ANKRD36: variants seen among roughly 807,000 people sequenced by gnomAD.
The protein encoded by ANKRD36 is ankyrin repeat domain-containing protein 36A.
In ANKRD36, 179 loss-of-function variants were observed where a neutral mutation model predicts 278.1. The ratio of observed to expected loss-of-function variants is 0.64; its 90% CI spans 0.57 to 0.73. ANKRD36 has a LOEUF of 0.73. Ranked by LOEUF, ANKRD36 falls within the 30% of genes least tolerant of loss-of-function variation. The pLI, the probability that ANKRD36 is intolerant of heterozygous loss-of-function variation, is 0.00. For synonymous variants in ANKRD36, 320 were observed against 641.1 expected (o/e 0.50, Z 7.57); for missense variants, 1,159 against 1,956.7 (o/e 0.59, Z 7.69).
At chr2:97,189,757 G>A (rs2058118804) in intron 34 of ANKRD36, among the ~76,000 whole-genome samples, 1 of 81,568 alleles carries the variant, frequency 1.2e-5, no homozygotes, top group African/African-American at 2.8e-5. Context: ...TCCCAAGGAA[G>A]ATGGATTGTC....
intron 62 of ANKRD36, chr2:97,215,748 A>C (rs1423587872): frequency 3.0e-6 from 3 of 1,008,560 alleles, no homozygotes; most frequent in Non-Finnish European, 3.0e-6. Context: ...TCAGCACATA[A>C]CAGCCTCAGG....
chr2:97,235,307 G>C (rs2073382464), intron 68 of ANKRD36, among the ~76,000 whole-genome samples: 1 of 150,904 alleles, frequency 6.6e-6, no homozygotes, highest in African/African-American at 2.5e-5. Flanking sequence ...GCCTTTGTCA[G>C]TCATAAGCTG....
Position 97,204,486 on chromosome 2 carries a change from G to A in ANKRD36, c.3061+223G>A, listed in dbSNP as rs1216677716. On this transcript the variant is annotated intron_variant, in intron 50 of 75. Transcript: ENST00000420699. ...TTCCCCACATTGAAATTGGGAAGAA[G>A]AAATATGGAGAGCAGTTCAAGGCAT... 2.0e-5 allele frequency among the ~76,000 whole-genome samples: 3 copies of A among 151,684 alleles called. No individual in the cohort carries two copies. The East Asian group carries it at 5.9e-4, about 30-fold the overall frequency.
At chr2:97,170,079 A>G (rs1010207295) in intron 22 of ANKRD36, among the ~76,000 whole-genome samples, 1 of 152,014 alleles carries the variant, frequency 6.6e-6, no homozygotes, top group Non-Finnish European at 1.5e-5. Context: ...AAACAGTGAT[A>G]TAGACCAATG....
At chr2:97,229,650 A>G (rs1224362250) in intron 67 of ANKRD36, among the ~76,000 whole-genome samples, 1 of 151,960 alleles carries the variant, frequency 6.6e-6, no homozygotes, top group East Asian at 2.0e-4. Context: ...TAAAGTTAAT[A>G]TTGTTATGTC....
intron 68 of ANKRD36, among the ~76,000 whole-genome samples, chr2:97,235,040 G>A (rs1444500986): frequency 6.7e-6 from 1 of 148,236 alleles, no homozygotes; most frequent in African/African-American, 2.6e-5. Flanking sequence ...TTTAATTGTT[G>A]AATTACAGAT....
chr2:97,205,886 G>T (rs2062711165), intron 50 of ANKRD36, 54 bp from the exon 51 acceptor site: 1 of 1,509,048 alleles, frequency 6.6e-7, no homozygotes, highest in Non-Finnish European at 8.9e-7. Context: ...TGAATGTATG[G>T]ATATCTTTAT....
At chr2:97,147,791 T>C (rs1028222793) in intron 11 of ANKRD36, among the ~76,000 whole-genome samples, 2 of 151,856 alleles carry the variant, frequency 1.3e-5, no homozygotes, top group African/African-American at 4.8e-5. Flanking sequence ...CTTAGTTTGA[T>C]AGAAATGAGG....
chr2:97,226,298 T>C (rs367819289), intron 67 of ANKRD36, among the ~76,000 whole-genome samples: 1 of 152,068 alleles, frequency 6.6e-6, no homozygotes, highest in Non-Finnish European at 1.5e-5. Context: ...TGTTTCCAGA[T>C]TTTTTAATGA....
chr2:97,200,557 T>C (rs1251496117), intron 46 of ANKRD36, 32 bp downstream of exon 46: 38 of 1,541,334 alleles, frequency 2.5e-5, no homozygotes, highest in Middle Eastern at 2.3e-4. Flanking sequence ...AATGTCATGT[T>C]CAGTCCAGAT....
intron 64 of ANKRD36, among the ~76,000 whole-genome samples, chr2:97,217,956 G>A (rs964022362): frequency 2.6e-5 from 4 of 152,042 alleles, no homozygotes; most frequent in Middle Eastern, 3.4e-3. Context: ...TTTGCATACC[G>A]GATCATCTGA....
At chr2:97,189,064 T>G (rs1348249552) in intron 32 of ANKRD36, 23 bp from the exon 33 acceptor site, 1 of 746,470 alleles carries the variant, frequency 1.3e-6, no homozygotes, top group East Asian at 2.4e-5. Context: ...TATGAGTGAT[T>G]ATGTATCCCT....
chr2:97,120,960 C>G (rs2036638049), intron 3 of ANKRD36, among the ~76,000 whole-genome samples: 1 of 151,778 alleles, frequency 6.6e-6, no homozygotes, highest in Non-Finnish European at 1.5e-5. Context: ...AGAGGTTGCC[C>G]CTTTCTATGA....
rs1482337396 is a variant in ANKRD36, at chr2:97,158,615, C to G, written c.1349C>G (p.Thr450Arg). Residue 450 changes from threonine to arginine, a missense_variant, in exon 17 of 76, where the codon ACA becomes AGA. Physicochemically the swap from Thr to Arg is moderately conservative, Grantham distance 71 (BLOSUM62 -1). Coordinates refer to ENST00000420699, the MANE Select transcript of ANKRD36 (RefSeq NM_001354587.1). ...GATGCTGCATGTGGCATTGACAAAACAGAAAATGGAAACATGTTTGAAGAC... is the reference window on the plus strand; with the variant it reads ...GATGCTGCATGTGGCATTGACAAAAGAGAAAATGGAAACATGTTTGAAGAC... The part of the protein sequence containing the change: ...NLDAACGIDK[T>R]ENGNMFEDQN... The G allele has an allele frequency of 6.5e-7, 1 of 1,529,674 alleles. No homozygotes were observed. The highest frequency in any genetic ancestry group is 2.0e-5 in the Admixed American group (1 of 50,270). 94.8% of individuals were successfully genotyped at this position (1,529,674 alleles called of 1,614,324 possible).
chr2:97,182,205 G>A (rs1192747366), intron 26 of ANKRD36, among the ~76,000 whole-genome samples: 1 of 150,712 alleles, frequency 6.6e-6, no homozygotes, highest in Non-Finnish European at 1.5e-5. Flanking sequence ...GAGCTAAGGA[G>A]ACCACTGATG....
At chr2:97,194,505 C>A (rs1478647660) in intron 38 of ANKRD36, among the ~76,000 whole-genome samples, 1 of 151,528 alleles carries the variant, frequency 6.6e-6, no homozygotes, top group African/African-American at 2.4e-5. Flanking sequence ...CATAAAAAAT[C>A]ATACTGTGTT....
At chr2:97,186,473 G>A (rs1392737688) in intron 30 of ANKRD36, among the ~76,000 whole-genome samples, 3 of 150,376 alleles carry the variant, frequency 2.0e-5, no homozygotes, top group African/African-American at 7.3e-5. Context: ...TTTAGTAGAA[G>A]TATGTCAAAA....
chr2:97,138,665 A>G (rs530293208), intron 6 of ANKRD36, among the ~76,000 whole-genome samples: 8 of 152,194 alleles, frequency 5.3e-5, no homozygotes, highest in African/African-American at 1.7e-4. Context: ...TTGAGGCATC[A>G]TGCTACCTGA....
At chr2:97,127,601 G>A (rs1311275815) in intron 6 of ANKRD36, among the ~76,000 whole-genome samples, 2 of 151,820 alleles carry the variant, frequency 1.3e-5, no homozygotes, top group South Asian at 2.1e-4. Context: ...TTGGTATGTT[G>A]TATATATTAT....
Sources: gnomAD v4.1 joint callset for allele counts (sites outside exome capture counted in the v4.1 genomes callset) on GRCh38, gnomAD v4.1.1 for gene constraint, MANE v1.5 for transcripts, NCBI Gene and HGNC (gene_info 2026-07-23, HGNC 2026-07-21) for gene names.